The following LOC400499 variants were observed in gnomAD, a reference collection of about 807,000 sequenced individuals.
the LOC400499 span, among the ~76,000 whole-genome samples, chr16:11,485,385 C>G: frequency 6.6e-6 from 1 of 152,190 alleles, no homozygotes; most frequent in Non-Finnish European, 1.5e-5. Flanking sequence ...CTGCCCCACA[C>G]ACAATATACT....
the LOC400499 span, among the ~76,000 whole-genome samples, chr16:11,451,848 G>A: frequency 4.6e-5 from 7 of 152,148 alleles, no homozygotes; most frequent in South Asian, 1.0e-3. Context: ...AGGAGGAGCC[G>A]CGGAGTTGAG....
the LOC400499 span, among the ~76,000 whole-genome samples, chr16:11,419,299 A>G: frequency 6.6e-6 from 1 of 152,108 alleles, no homozygotes; most frequent in African/African-American, 2.4e-5. Flanking sequence ...AACGCCGCTT[A>G]TCTACAACTA....
At chr16:11,490,381 G>C in the LOC400499 span, among the ~76,000 whole-genome samples, 2 of 141,160 alleles carry the variant, frequency 1.4e-5, no homozygotes, top group African/African-American at 5.4e-5. Flanking sequence ...GGGCAACAGA[G>C]TGAGACTCTG....
the LOC400499 span, chr16:11,439,664 C>G: frequency 5.0e-6 from 2 of 398,382 alleles, no homozygotes; most frequent in East Asian, 3.6e-5. Context: ...TGGGCAAATG[C>G]ATCCCAGAAT....
chr16:11,409,971 G>T, the LOC400499 span, among the ~76,000 whole-genome samples: 1 of 152,124 alleles, frequency 6.6e-6, no homozygotes, highest in Non-Finnish European at 1.5e-5. Context: ...TAAAACTTGG[G>T]AAAAAACTAA....
the LOC400499 span, among the ~76,000 whole-genome samples, chr16:11,457,687 G>C: frequency 6.6e-6 from 1 of 151,228 alleles, no homozygotes; most frequent in South Asian, 2.1e-4. Context: ...GCAATAGAAA[G>C]AATCGAAAGC....
At chr16:11,441,643 T>G in the LOC400499 span, among the ~76,000 whole-genome samples, 4 of 152,086 alleles carry the variant, frequency 2.6e-5, no homozygotes, top group Non-Finnish European at 5.9e-5. Flanking sequence ...ATTATCTGGG[T>G]GGCCCTAAAG....
At chr16:11,386,816 C>A in the LOC400499 span, among the ~76,000 whole-genome samples, 1 of 152,258 alleles carries the variant, frequency 6.6e-6, no homozygotes, top group African/African-American at 2.4e-5. Context: ...AGTCTGAAGT[C>A]AGTCAGTTCT....
the LOC400499 span, chr16:11,500,933 C>T: frequency 1.0e-5 from 4 of 398,982 alleles, no homozygotes; most frequent in South Asian, 1.3e-4. Flanking sequence ...CACAGTGCTC[C>T]GTCCCACAGG....
chr16:11,418,040 C>T, the LOC400499 span, among the ~76,000 whole-genome samples: 3 of 152,110 alleles, frequency 2.0e-5, no homozygotes, highest in Non-Finnish European at 2.9e-5. Context: ...CCCAGGAGAC[C>T]GTAGAGAAAA....
At chr16:11,372,778 C>T in the LOC400499 span, 10 of 969,096 alleles carry the variant, frequency 1.0e-5, no homozygotes, top group Non-Finnish European at 1.2e-5. Flanking sequence ...GCTATGGGCC[C>T]CTGAGGAGAG....
chr16:11,509,343 C>G, the LOC400499 span, among the ~76,000 whole-genome samples: 3 of 149,236 alleles, frequency 2.0e-5, no homozygotes, highest in African/African-American at 7.4e-5. Context: ...TGGTCTCAAT[C>G]TCCTGACCTT....
chr16:11,461,058 A>C, the LOC400499 span: 59 of 1,536,126 alleles, frequency 3.8e-5, no homozygotes, highest in African/African-American at 7.1e-4. Flanking sequence ...GCCCTGGCAC[A>C]AACAGCTCGG....
At chr16:11,415,292 G>C in the LOC400499 span, among the ~76,000 whole-genome samples, 4 of 152,214 alleles carry the variant, frequency 2.6e-5, no homozygotes, top group Admixed American at 2.6e-4. Flanking sequence ...AGAGCAAACA[G>C]ATGGCGCCGA....
chr16:11,394,961 C>T, the LOC400499 span, among the ~76,000 whole-genome samples: 4 of 152,220 alleles, frequency 2.6e-5, no homozygotes, highest in Non-Finnish European at 5.9e-5. Context: ...TCCTAGGAAT[C>T]GAATGCAGGG....
the LOC400499 span, chr16:11,477,942 C>T: frequency 7.5e-6 from 3 of 398,882 alleles, no homozygotes; most frequent in South Asian, 2.5e-4. Flanking sequence ...AGGCCAGACA[C>T]GGTGGGAAAG....
At chr16:11,445,781 C>A in the LOC400499 span, among the ~76,000 whole-genome samples, 2 of 151,320 alleles carry the variant, frequency 1.3e-5, no homozygotes, top group East Asian at 3.9e-4. Flanking sequence ...CTGACTGTCA[C>A]ATAGACTGTA....
At chr16:11,517,706 A>G in the LOC400499 span, among the ~76,000 whole-genome samples, 1 of 152,154 alleles carries the variant, frequency 6.6e-6, no homozygotes, top group Non-Finnish European at 1.5e-5. Context: ...ACCAGAATTC[A>G]GCCCCGTGCT....
the LOC400499 span, among the ~76,000 whole-genome samples, chr16:11,519,625 T>C: frequency 8.2e-4 from 124 of 151,808 alleles, no homozygotes; most frequent in Admixed American, 4.9e-3. Flanking sequence ...TTCTGCTACA[T>C]CCTACAATAG....
Sources: gnomAD v4.1 joint callset for allele counts (sites outside exome capture counted in the v4.1 genomes callset) on GRCh38, gnomAD v4.1.1 for gene constraint, MANE v1.5 for transcripts.